MTNR1A: variants seen among roughly 807,000 people sequenced by gnomAD.
MTNR1A encodes melatonin receptor type 1A.
Under a neutral mutation model 5.5 loss-of-function variants are expected in MTNR1A, and 7 were observed. The observed-to-expected ratio is 1.28, with a 90% confidence interval of 0.73 to 2.40. The LOEUF is 2.40. Ranked by LOEUF, MTNR1A falls within the 30% of genes most tolerant of loss-of-function variation. MTNR1A has a pLI of 0.00. For synonymous variants in MTNR1A, 196 were observed against 202.7 expected (o/e 0.97, Z 0.28); for missense variants, 441 against 464.4 (o/e 0.95, Z 0.46).
Position 186,555,409 on chromosome 4 carries a change from T to C in MTNR1A, c.-44A>G, listed in dbSNP as rs1737351187. On this transcript the variant is annotated 5_prime_UTR_variant, in exon 1 of 2. Coordinates refer to ENST00000307161, the MANE Select transcript of MTNR1A (RefSeq NM_005958.4). The surrounding 1 kb of genome is among the most constrained non-coding windows in gnomAD (Gnocchi z 4.1). ...GGCCGCGGGGCCATCGCCCGCCTCG[T>C]CCGCCCGCCCGACCACTTGTTAAGG... The C allele has an allele frequency of 2.2e-6, 3 of 1,344,712 alleles. No homozygotes were observed. Among genetic ancestry groups the C allele is most frequent in the East Asian group, 6.4e-5 (2 of 31,044 alleles). 83.3% of individuals were successfully genotyped at this position (1,344,712 alleles called of 1,614,324 possible). A position where few individuals can be genotyped will look rare whatever the true frequency, so the allele number is the denominator to read the frequency against.
chr4:186,536,507 C>T (rs1319213424), intron 1 of MTNR1A, among the ~76,000 whole-genome samples: 2 of 152,146 alleles, frequency 1.3e-5, no homozygotes, highest in Non-Finnish European at 2.9e-5. Context: ...ATTCTATTGA[C>T]CTGTAGGCCA....
Position 186,533,999 on chromosome 4 carries a change from G to A in MTNR1A, c.743C>T (p.Ala248Val). The A allele has an allele frequency of 6.2e-7, 1 of 1,614,100 alleles. No homozygotes were observed. The highest frequency in any genetic ancestry group is 1.3e-5 in the African/African-American group (1 of 75,030). Residue 248 changes from alanine (A) to valine (V), a missense_variant, in exon 2 of 2, where the codon GCC becomes GTC. By Grantham distance (64) the Ala-to-Val change is moderately conservative. Coordinates refer to ENST00000307161, the MANE Select transcript of MTNR1A (RefSeq NM_005958.4). ...VTMFVVFVLF[A>V]ICWAPLNFIG... ...GAAGTTCAGAGGAGCCCAGCAAATG[G>A]CAAAAAGGACAAAAACCACAAACAT... is the stretch of plus-strand genomic sequence containing the variant.
At position 186,552,798 on chromosome 4, in the gene MTNR1A, C is replaced by T. The variant is rs534106350; in HGVS notation, c.184+2384G>A. Among the ~76,000 whole-genome samples the T allele has an allele frequency of 1.6e-3, 243 of 152,310 alleles. 2 individuals are homozygous for T. The highest frequency in any genetic ancestry group is 2.0e-3 in the Non-Finnish European group (137 of 68,036). ...AATCCTAGCGTTCCATTGCGGGAAT[C>T]GTCCCTTATGCTATCAAATTTACTC... On this transcript the variant is annotated intron_variant, in intron 1 of 1. Transcript: ENST00000307161.
intron 1 of MTNR1A, among the ~76,000 whole-genome samples, chr4:186,545,545 T>G (rs1053287225): frequency 6.6e-6 from 1 of 152,212 alleles, no homozygotes; most frequent in Admixed American, 6.5e-5. Flanking sequence ...TCTGAACTAC[T>G]CCCTCAGAAA....
intron 1 of MTNR1A, among the ~76,000 whole-genome samples, chr4:186,542,798 T>C (rs116107596): frequency 6.6e-6 from 1 of 152,312 alleles, no homozygotes; most frequent in African/African-American, 2.4e-5. Flanking sequence ...CACCAGGAGA[T>C]ACCCCTTTGG....
chr4:186,553,047 C>T (rs1230448897), intron 1 of MTNR1A, among the ~76,000 whole-genome samples: 6 of 152,216 alleles, frequency 3.9e-5, no homozygotes, highest in Non-Finnish European at 8.8e-5. Context: ...TAAATCACCA[C>T]AATTATACCA....
intron 1 of MTNR1A, among the ~76,000 whole-genome samples, chr4:186,538,373 C>T (rs560148764): frequency 4.6e-5 from 7 of 152,330 alleles, no homozygotes; most frequent in Non-Finnish European, 8.8e-5. Flanking sequence ...ATTTTGAAGG[C>T]GGAAGTGCAG....
chr4:186,539,485 G>C (rs1394527977), intron 1 of MTNR1A, among the ~76,000 whole-genome samples: 1 of 152,156 alleles, frequency 6.6e-6, no homozygotes, highest in Non-Finnish European at 1.5e-5. Flanking sequence ...TTTATGTGTT[G>C]ACACTTAATC....
In MTNR1A at chr4:186,533,726, A is replaced by G; in HGVS notation, c.1016T>C (p.Met339Thr). 6.2e-7 allele frequency: 1 copy of G among 1,614,206 alleles called. No homozygotes were observed. ...DRVKWKPSPL[M>T]TNNNVVKVDS... ...CACCTTTACTACATTATTGTTGGTCATCAGTGGAGACGGTTTCCATTTAAC... is the reference window on the plus strand; with the variant it reads ...CACCTTTACTACATTATTGTTGGTCGTCAGTGGAGACGGTTTCCATTTAAC... Residue 339 changes from methionine (M) to threonine (T), a missense_variant, in exon 2 of 2, where the codon ATG becomes ACG. Coordinates refer to ENST00000307161, the MANE Select transcript of MTNR1A (RefSeq NM_005958.4).
At chr4:186,541,389 G>C (rs1001751223) in intron 1 of MTNR1A, among the ~76,000 whole-genome samples, 1 of 152,066 alleles carries the variant, frequency 6.6e-6, no homozygotes, top group Admixed American at 6.5e-5. Context: ...GCTAGACCAG[G>C]GGTCCCCAAC....
intron 1 of MTNR1A, among the ~76,000 whole-genome samples, chr4:186,538,804 T>G (rs1461856277): frequency 6.6e-6 from 1 of 152,222 alleles, no homozygotes; most frequent in Non-Finnish European, 1.5e-5. Context: ...TTTCTCTGTA[T>G]TGGTTTTGGG....
At chr4:186,539,627 G>C (rs774305886) in intron 1 of MTNR1A, among the ~76,000 whole-genome samples, 8 of 152,190 alleles carry the variant, frequency 5.3e-5, no homozygotes, top group Non-Finnish European at 1.2e-4. Context: ...ACCATGTGAG[G>C]ACTCAGCATT....
intron 1 of MTNR1A, among the ~76,000 whole-genome samples, chr4:186,553,966 C>A (rs917530017): frequency 6.6e-6 from 1 of 152,194 alleles, no homozygotes; most frequent in African/African-American, 2.4e-5. Context: ...CCCAGTTTCT[C>A]CTCTGTAAGG....
rs372458461 is a variant in MTNR1A at position 186,551,560 on chromosome 4, T to C, written c.184+3622A>G. Among the ~76,000 whole-genome samples the C allele has an allele frequency of 1.1e-4, 16 of 152,118 alleles. No homozygotes were observed. The East Asian group carries it at 1.2e-3, about 11-fold the overall frequency. ...GTAGGTAGGTGGATGGATGGATAGA[T>C]GGATGGATGGACGGACGATGGGTGG... On this transcript the variant is annotated intron_variant, in intron 1 of 1. Coordinates refer to ENST00000307161, the MANE Select transcript of MTNR1A (RefSeq NM_005958.4).
At chr4:186,552,134 A>AT (rs1553981936) in intron 1 of MTNR1A, among the ~76,000 whole-genome samples, 2 of 152,224 alleles carry the variant, frequency 1.3e-5, no homozygotes, top group African/African-American at 4.8e-5. Flanking sequence ...GGCTGTTCAC[A>AT]TCTTCACAAT....
chr4:186,537,118 AT>A (rs1736874924), intron 1 of MTNR1A, among the ~76,000 whole-genome samples: 1 of 152,226 alleles, frequency 6.6e-6, no homozygotes, highest in African/African-American at 2.4e-5. Flanking sequence ...AAGCAATTAC[AT>A]TAATTAGATC....
In MTNR1A at chr4:186,534,806, C is replaced by T. The variant is rs181985674; in HGVS notation, c.185-249G>A. ...CCTGTTCCATGTTCAAAACTGCTGT[C>T]TTTCAAACCGTTCGGCTTCTCATCT... On this transcript the variant is annotated intron_variant, in intron 1 of 1. Coordinates refer to ENST00000307161, the MANE Select transcript of MTNR1A (RefSeq NM_005958.4). Among the ~76,000 whole-genome samples the T allele has an allele frequency of 4.3e-4, 65 of 152,314 alleles. 2 individuals are homozygous for T. In the South Asian group the frequency reaches 0.013, roughly 31 times the overall value.
rs1171663697 is a variant in MTNR1A at position 186,555,411 on chromosome 4, C to A, written c.-46G>T. The A allele has an allele frequency of 7.5e-7, 1 of 1,340,990 alleles. No homozygotes were observed. Among genetic ancestry groups the A allele is most frequent in the Non-Finnish European group, 9.6e-7 (1 of 1,044,104 alleles). The allele number at this position is 1,340,990 out of a possible 1,614,324, so 83.1% of individuals were successfully genotyped here. A position where few individuals can be genotyped will look rare whatever the true frequency, so the allele number is the denominator to read the frequency against. ...CCGCGGGGCCATCGCCCGCCTCGTC[C>A]GCCCGCCCGACCACTTGTTAAGGCT... On this transcript the variant is annotated 5_prime_UTR_variant, in exon 1 of 2. Transcript: ENST00000307161. This position sits in a 1 kb window ranked among gnomAD's most constrained non-coding sequence, Gnocchi z 4.1.
chr4:186,539,373 GC>G (rs1286041706), intron 1 of MTNR1A, among the ~76,000 whole-genome samples: 2 of 152,160 alleles, frequency 1.3e-5, no homozygotes, highest in Non-Finnish European at 1.5e-5. Flanking sequence ...GACTCAAAAA[GC>G]TGTCAGTGTT....
Sources: gnomAD v4.1 joint callset for allele counts (sites outside exome capture counted in the v4.1 genomes callset) on GRCh38, gnomAD v4.1.1 for gene constraint, Gnocchi (gnomAD v3.1) non-coding constraint, MANE v1.5 for transcripts, NCBI Gene and HGNC (gene_info 2026-07-23, HGNC 2026-07-21) for gene names.